Variants in ASTN1 observed in about 807,000 individuals in gnomAD.
The protein encoded by ASTN1 is astrotactin-1.
Under a neutral mutation model 140.7 loss-of-function variants are expected in ASTN1, and 41 were observed. The observed-to-expected ratio is 0.29, with a 90% CI of 0.23 to 0.38. The LOEUF (loss-of-function observed/expected upper bound fraction) is 0.38, where lower values mean the gene tolerates loss of function less well. Ranked by LOEUF, ASTN1 falls within the 10% of genes least tolerant of loss-of-function variation. The probability of loss-of-function intolerance (pLI) is 1.00; values close to 1 mark genes in which losing one functional copy is unlikely to be tolerated. For missense variants in ASTN1, 1,479 were observed against 1,678.8 expected (o/e 0.88, Z 2.08); for synonymous variants, 640 against 652.2 (o/e 0.98, Z 0.29).
chr1:177,101,287 C>T (rs1446400963), intron 1 of ASTN1, among the ~76,000 whole-genome samples: 3 of 152,040 alleles, frequency 2.0e-5, no homozygotes, highest in East Asian at 3.9e-4. Context: ...AAAATAGACC[C>T]AAACTGGAAA....
chr1:176,871,624 GC>G (rs1303538771), intron 21 of ASTN1, among the ~76,000 whole-genome samples: 1 of 152,168 alleles, frequency 6.6e-6, no homozygotes, highest in Non-Finnish European at 1.5e-5. Flanking sequence ...GTGCTTAAGA[GC>G]CCACATCAGT....
chr1:177,132,367 C>G (rs1174591411), intron 1 of ASTN1, among the ~76,000 whole-genome samples: 3 of 152,092 alleles, frequency 2.0e-5, no homozygotes, highest in African/African-American at 7.2e-5. Context: ...GAGTAGGTAC[C>G]AAATGAAGTC....
At chr1:177,077,423 A>C (rs1045222349) in intron 1 of ASTN1, among the ~76,000 whole-genome samples, 1 of 152,204 alleles carries the variant, frequency 6.6e-6, no homozygotes, top group Non-Finnish European at 1.5e-5. Context: ...TGGCTTGACT[A>C]TCAGCCTTTC....
intron 8 of ASTN1, among the ~76,000 whole-genome samples, chr1:177,002,872 A>T (rs1205962351): frequency 1.3e-5 from 2 of 152,128 alleles, no homozygotes; most frequent in African/African-American, 4.8e-5. Context: ...GAAAATCTAG[A>T]GGAAATAGAT....
At chr1:177,087,067 A>G (rs1042162299) in intron 1 of ASTN1, among the ~76,000 whole-genome samples, 11 of 152,152 alleles carry the variant, frequency 7.2e-5, no homozygotes, top group African/African-American at 2.7e-4. Flanking sequence ...CTATATCAAC[A>G]AAGATAAAGA....
intron 2 of ASTN1, among the ~76,000 whole-genome samples, chr1:177,033,123 C>CTGTGTGTG (rs10603141): frequency 0.023 from 3,432 of 146,252 alleles, 64 homozygotes; most frequent in East Asian, 0.051. Flanking sequence ...AGAAACAAGT[C>CTGTGTGTG]TGTGTGTGTG....
At chr1:177,021,425 C>G (rs1261808430) in intron 7 of ASTN1, among the ~76,000 whole-genome samples, 1 of 152,184 alleles carries the variant, frequency 6.6e-6, no homozygotes. Context: ...GCACATGGAA[C>G]AGTAATGCTT....
At chr1:177,150,453 G>C (rs1682979098) in intron 1 of ASTN1, among the ~76,000 whole-genome samples, 1 of 152,102 alleles carries the variant, frequency 6.6e-6, no homozygotes, top group Non-Finnish European at 1.5e-5. Context: ...ATGACAAGAA[G>C]CAGCACTGAA....
At chr1:177,051,864 G>A (rs1054053390) in intron 2 of ASTN1, among the ~76,000 whole-genome samples, 1 of 152,098 alleles carries the variant, frequency 6.6e-6, no homozygotes, top group East Asian at 1.9e-4. Flanking sequence ...TGTATGTGTG[G>A]ATACCTGGGC....
chr1:177,018,963 T>C (rs1010179683), intron 7 of ASTN1, among the ~76,000 whole-genome samples: 3 of 152,076 alleles, frequency 2.0e-5, no homozygotes, highest in African/African-American at 7.2e-5. Context: ...TGGGAGAGAA[T>C]GTCAGGGTGC....
At chr1:177,131,399 T>C (rs1232559022) in intron 1 of ASTN1, among the ~76,000 whole-genome samples, 1 of 152,218 alleles carries the variant, frequency 6.6e-6, no homozygotes, top group Non-Finnish European at 1.5e-5. Flanking sequence ...TTAACATCCA[T>C]ATGCTAGAAT....
intron 1 of ASTN1, among the ~76,000 whole-genome samples, chr1:177,141,806 AC>A (rs1682482705): frequency 6.6e-6 from 1 of 152,188 alleles, no homozygotes; most frequent in African/African-American, 2.4e-5. Context: ...CATTGGGTCT[AC>A]TCAACTCCAA....
chr1:177,060,106 G>A (rs1678012087), intron 2 of ASTN1, among the ~76,000 whole-genome samples: 1 of 152,052 alleles, frequency 6.6e-6, no homozygotes, highest in Non-Finnish European at 1.5e-5. Flanking sequence ...TAGGCACTGG[G>A]GACACATCAG....
intron 16 of ASTN1, among the ~76,000 whole-genome samples, chr1:176,920,801 A>C (rs1670692180): frequency 6.6e-6 from 1 of 152,140 alleles, no homozygotes; most frequent in African/African-American, 2.4e-5. Flanking sequence ...CTAGTACCTA[A>C]CACTGTGCCT....
At chr1:177,031,049 C>A in intron 3 of ASTN1, 97 bp from the exon 4 acceptor site, 1 of 1,344,598 alleles carries the variant, frequency 7.4e-7, no homozygotes, top group South Asian at 1.6e-5. Context: ...TAAGGTCTCA[C>A]AGAATTGAAA....
chr1:177,088,970 G>A (rs1038629036), intron 1 of ASTN1, among the ~76,000 whole-genome samples: 4 of 151,972 alleles, frequency 2.6e-5, no homozygotes, highest in Admixed American at 1.3e-4. Flanking sequence ...CACCTGGCTC[G>A]GGGGCAGGGA....
At chr1:176,950,736 G>C (rs981986452) in intron 11 of ASTN1, among the ~76,000 whole-genome samples, 25 of 151,954 alleles carry the variant, frequency 1.6e-4, no homozygotes, top group African/African-American at 6.0e-4. Context: ...GGCAGAACTG[G>C]GGGTCTGTCC....
At chr1:176,889,535 A>G (rs921335872) in intron 17 of ASTN1, among the ~76,000 whole-genome samples, 2 of 152,244 alleles carry the variant, frequency 1.3e-5, no homozygotes, top group Admixed American at 6.5e-5. Flanking sequence ...TCCAAAAATC[A>G]GAATGTCTAA....
intron 8 of ASTN1, among the ~76,000 whole-genome samples, chr1:176,992,384 A>G (rs992336042): frequency 6.6e-6 from 1 of 151,718 alleles, no homozygotes; most frequent in African/African-American, 2.4e-5. Context: ...TATTGAAGTG[A>G]CCTTCTGGGT....
Sources: gnomAD v4.1 joint callset for allele counts (sites outside exome capture counted in the v4.1 genomes callset) on GRCh38, gnomAD v4.1.1 for gene constraint, MANE v1.5 for transcripts, NCBI Gene and HGNC (gene_info 2026-07-23, HGNC 2026-07-21) for gene names.